Variants in GPRIN2 observed in about 807,000 individuals in gnomAD.
GPRIN2 encodes the protein G protein-regulated inducer of neurite outgrowth 2.
In GPRIN2, 1 loss-of-function variant was observed where a neutral mutation model predicts 0.3. The observed-to-expected ratio is 3.90, with a 90% CI of 1.39 to 18.51. The LOEUF (loss-of-function observed/expected upper bound fraction) is 18.51. Ranked by LOEUF, GPRIN2 falls within the 30% of genes most tolerant of loss-of-function variation. GPRIN2 has a pLI of 0.11. For synonymous variants in GPRIN2, 361 were observed against 258.6 expected (o/e 1.40, Z -3.80); for missense variants, 880 against 604.2 (o/e 1.46, Z -4.79).
intron 2 of GPRIN2, among the ~76,000 whole-genome samples, chr10:46,552,568 T>C (rs1029706493): frequency 4.6e-5 from 7 of 152,306 alleles, no homozygotes; most frequent in African/African-American, 1.7e-4. Context: ...TGAGCCACAG[T>C]GAGGATGATA....
intron 2 of GPRIN2, among the ~76,000 whole-genome samples, chr10:46,552,228 G>A (rs975371838): frequency 6.6e-6 from 1 of 152,310 alleles, no homozygotes; most frequent in Non-Finnish European, 1.5e-5. Context: ...GAGGCCATGT[G>A]TCCAGAGCAT....
rs1832676511 is a variant in GPRIN2 at position 46,549,567 on chromosome 10, T to C, written c.1170A>G (p.Thr390=). Residue 390 remains threonine (T), a synonymous_variant, in exon 3 of 3, where the codon ACA becomes ACG. Transcript: ENST00000374314. ...RDVRWDAEGM[T]WEVYGAAVDL... Reference sequence around the variant, plus strand: ...CCACCGCAGCTCCGTACACCTCCCATGTCATGCCCTCAGCATCCCATCGCA... The same window carrying C: ...CCACCGCAGCTCCGTACACCTCCCACGTCATGCCCTCAGCATCCCATCGCA... 5.6e-6 allele frequency: 9 copies of C among 1,614,014 alleles called. No homozygotes were observed. The East Asian group carries it at 1.8e-4, about 32-fold the overall frequency.
At chr10:46,554,960 T>C (rs1843008108) in intron 1 of GPRIN2, among the ~76,000 whole-genome samples, 1 of 152,306 alleles carries the variant, frequency 6.6e-6, no homozygotes, top group East Asian at 1.9e-4. Context: ...CGTTCGTTTG[T>C]TTGTGAGACA....
intron 2 of GPRIN2, among the ~76,000 whole-genome samples, chr10:46,553,267 T>C (rs1842817633): frequency 6.6e-6 from 1 of 152,312 alleles, no homozygotes; most frequent in South Asian, 2.1e-4. Context: ...ATCGTGCTCA[T>C]GACATGCCAT....
chr10:46,549,361 C>A lies in GPRIN2; in HGVS notation c.1376G>T (p.Ter459LeuextTer14). 2 of 1,471,100 alleles carry A rather than the reference C, an allele frequency of 1.4e-6. No individual in the cohort carries two copies. The highest frequency in any genetic ancestry group is 1.8e-6 in the Non-Finnish European group (2 of 1,113,430). 91.1% of individuals were successfully genotyped at this position (1,471,100 alleles called of 1,614,324 possible). A position where few individuals can be genotyped will look rare whatever the true frequency, so the allele number is the denominator to read the frequency against. ...GCCAGCTCCAAGGGCCACAGCTCCT[C>A]ACTCGGGGGCCGCGCCGGAGCAGCC... ...CCGCSGAAPE[*>L] The change falls in exon 3 of 3, where the codon TGA (stop) becomes TTA (leucine). Residue 459 changes from the stop codon to leucine, a stop_lost. Coordinates refer to ENST00000374314, the MANE Select transcript of GPRIN2 (RefSeq NM_001385282.1).
rs1832644587 is a variant in GPRIN2, at chr10:46,549,642, C to A, written c.1095G>T (p.Glu365Asp). 1 of 1,614,238 alleles carries A rather than the reference C, an allele frequency of 6.2e-7. No individual in the cohort carries two copies. The highest frequency in any genetic ancestry group is 1.7e-5 in the Admixed American group (1 of 60,034). The change falls in exon 3 of 3, where the codon GAG becomes GAT. Residue 365 changes from glutamate to aspartate, a missense_variant. By Grantham distance (45) the Glu-to-Asp change is conservative (BLOSUM62 2). Coordinates refer to ENST00000374314, the MANE Select transcript of GPRIN2 (RefSeq NM_001385282.1). ...CCTCCAGGCTGGACCCCAGAGTTAC[C>A]TCTGGGAACACATGCAGGGCTGCAG... ...EAPAALHVFP[E>D]VTLGSSLEEV... is the part of the protein sequence containing the mutation.
Position 46,541,835 on chromosome 10 carries a change from C to G in GPRIN2, c.*7525G>C, listed in dbSNP as rs1161699352. Among the ~76,000 whole-genome samples, 1 of 152,304 alleles carries G rather than the reference C, an allele frequency of 6.6e-6. No homozygotes were observed. Among genetic ancestry groups the G allele is most frequent in the African/African-American group, 2.4e-5 (1 of 41,484 alleles). On this transcript the variant is annotated 3_prime_UTR_variant, in exon 3 of 3. Coordinates refer to ENST00000374314, the MANE Select transcript of GPRIN2 (RefSeq NM_001385282.1). Reference sequence around the variant, plus strand: ...TAAAATATCAAAAATTTCAATAAAGCAGCATCCGACTTCCTGCCCAGCTGT... The same window carrying G: ...TAAAATATCAAAAATTTCAATAAAGGAGCATCCGACTTCCTGCCCAGCTGT...
chr10:46,551,189 C>G (rs1158369564), intron 2 of GPRIN2, among the ~76,000 whole-genome samples: 2 of 152,300 alleles, frequency 1.3e-5, no homozygotes, highest in Non-Finnish European at 2.9e-5. Context: ...TTAACGGGCA[C>G]AGCTGGACAG....
In GPRIN2 at chr10:46,550,717, T is replaced by C. The variant is rs1842505424; in HGVS notation, c.20A>G (p.Glu7Gly). 2 of 1,507,664 alleles carry C rather than the reference T, an allele frequency of 1.3e-6. No homozygotes were observed. Among genetic ancestry groups the C allele is most frequent in the Non-Finnish European group, 1.8e-6 (2 of 1,130,380 alleles). 93.4% of individuals were successfully genotyped at this position (1,507,664 alleles called of 1,614,324 possible). A position where few individuals can be genotyped will look rare whatever the true frequency, so the allele number is the denominator to read the frequency against. The part of the protein sequence containing the change: MSSSRP[E>G]PGPWAPLSPR... ...GCTCAGGGGTGCCCAGGGACCCGGC[T>C]CGGGGCGGCTGGAGCTCATGGCTGC... The change falls in exon 3 of 3, where the codon GAG becomes GGG. Residue 7 changes from glutamate to glycine, a missense_variant. Transcript: ENST00000374314.
Position 46,548,014 on chromosome 10 carries a change from C to T in GPRIN2, c.*1346G>A, listed in dbSNP as rs1261501265. On this transcript the variant is annotated 3_prime_UTR_variant, in exon 3 of 3. Coordinates refer to ENST00000374314, the MANE Select transcript of GPRIN2 (RefSeq NM_001385282.1). Reference sequence around the variant, plus strand: ...TCCTTGAGGATGGGGAAAAGTAAGCCACCACTGTGGGGGTCCTGGGCTCCT... The same window carrying T: ...TCCTTGAGGATGGGGAAAAGTAAGCTACCACTGTGGGGGTCCTGGGCTCCT... Among the ~76,000 whole-genome samples, 2 of 152,306 alleles carry T rather than the reference C, an allele frequency of 1.3e-5. No individual in the cohort carries two copies. Among genetic ancestry groups the T allele is most frequent in the African/African-American group, 4.8e-5 (2 of 41,484 alleles).
chr10:46,555,696 C>T (rs1843119491), intron 1 of GPRIN2, among the ~76,000 whole-genome samples: 1 of 152,310 alleles, frequency 6.6e-6, no homozygotes, highest in African/African-American at 2.4e-5. Context: ...CCTAGGCGCC[C>T]AACAGCCCCT....
rs1415156310 is a variant in GPRIN2, at chr10:46,547,470, G to A, written c.*1890C>T. On this transcript the variant is annotated 3_prime_UTR_variant, in exon 3 of 3. Transcript: ENST00000374314. ...CAAACGCTCCAAATGAGCCGCCACTGCAGAAACTCATTATGGCCCAGGCAG... is the reference window on the plus strand; with the variant it reads ...CAAACGCTCCAAATGAGCCGCCACTACAGAAACTCATTATGGCCCAGGCAG... Among the ~76,000 whole-genome samples the A allele has an allele frequency of 6.6e-6, 1 of 152,308 alleles. No individual in the cohort carries two copies. The highest frequency in any genetic ancestry group is 1.5e-5 in the Non-Finnish European group (1 of 68,056).
At position 46,549,256 on chromosome 10, in the gene GPRIN2, GC is replaced by G. The variant is rs1842432882; in HGVS notation, c.*103del. 1.5e-6 allele frequency: 2 copies of G among 1,364,726 alleles called. No individual in the cohort carries two copies. The highest frequency in any genetic ancestry group is 3.3e-5 in the Admixed American group (1 of 30,286). 84.5% of individuals were successfully genotyped at this position (1,364,726 alleles called of 1,614,324 possible). ...CAGCCAATATTCAGGTGAGAGATGT[GC>G]CCAGCTGCCGGTGGGTCCAGGGGGC... On this transcript the variant is annotated 3_prime_UTR_variant, in exon 3 of 3. Coordinates refer to ENST00000374314, the MANE Select transcript of GPRIN2 (RefSeq NM_001385282.1).
chr10:46,552,685 C>T (rs1444840347), intron 2 of GPRIN2, among the ~76,000 whole-genome samples: 1 of 152,308 alleles, frequency 6.6e-6, no homozygotes, highest in African/African-American at 2.4e-5. Context: ...ATGTGGGTAC[C>T]AAGCACTCAG....
At position 46,545,581 on chromosome 10, in the gene GPRIN2, C is replaced by A. The variant is rs3127842; in HGVS notation, c.*3779G>T. Among the ~76,000 whole-genome samples the A allele has an allele frequency of 6.6e-6, 1 of 152,084 alleles. No individual in the cohort carries two copies. The highest frequency in any genetic ancestry group is 1.5e-5 in the Non-Finnish European group (1 of 67,982). The stretch of plus-strand genomic sequence containing the variant: ...CTGGGAACTACATTTTCAGAAGCCC[C>A]AGCCAGAGGGCCAAGTCCCAGGCAG... On this transcript the variant is annotated 3_prime_UTR_variant, in exon 3 of 3. Coordinates refer to ENST00000374314, the MANE Select transcript of GPRIN2 (RefSeq NM_001385282.1).
rs1842323914 is a variant in GPRIN2 at position 46,548,019 on chromosome 10, C to T, written c.*1341G>A. Among the ~76,000 whole-genome samples the T allele has an allele frequency of 6.6e-6, 1 of 152,306 alleles. No homozygotes were observed. The highest frequency in any genetic ancestry group is 1.5e-5 in the Non-Finnish European group (1 of 68,056). ...GAGGATGGGGAAAAGTAAGCCACCACTGTGGGGGTCCTGGGCTCCTAGGTG... is the reference window on the plus strand; with the variant it reads ...GAGGATGGGGAAAAGTAAGCCACCATTGTGGGGGTCCTGGGCTCCTAGGTG... On this transcript the variant is annotated 3_prime_UTR_variant, in exon 3 of 3. Coordinates refer to ENST00000374314, the MANE Select transcript of GPRIN2 (RefSeq NM_001385282.1).
intron 2 of GPRIN2, among the ~76,000 whole-genome samples, chr10:46,553,437 G>T (rs1842834002): frequency 6.6e-6 from 1 of 152,308 alleles, no homozygotes; most frequent in Non-Finnish European, 1.5e-5. Context: ...GCAGGTCCAA[G>T]ACCCCAGGGA....
At chr10:46,552,099 G>C (rs1842678471) in intron 2 of GPRIN2, among the ~76,000 whole-genome samples, 1 of 152,312 alleles carries the variant, frequency 6.6e-6, no homozygotes, top group South Asian at 2.1e-4. Flanking sequence ...CAAGGCAGGA[G>C]AGCTCACGGA....
At chr10:46,555,920 C>T (rs376753465) in intron 1 of GPRIN2, among the ~76,000 whole-genome samples, 2 of 152,298 alleles carry the variant, frequency 1.3e-5, no homozygotes, top group Admixed American at 1.3e-4. Flanking sequence ...GCCCCTGCTG[C>T]GGGGCCAAAG....
Sources: gnomAD v4.1 joint callset for allele counts (sites outside exome capture counted in the v4.1 genomes callset) on GRCh38, gnomAD v4.1.1 for gene constraint, MANE v1.5 for transcripts, NCBI Gene and HGNC (gene_info 2026-07-23, HGNC 2026-07-21) for gene names.